The following PLD1 variants were observed in gnomAD, a reference collection of about 807,000 sequenced individuals.
PLD1 encodes the protein phospholipase D1, also known as choline phosphatase 1.
Under a neutral mutation model 137.1 loss-of-function variants are expected in PLD1, and 112 were observed. The ratio of observed to expected loss-of-function variants is 0.82; its 90% confidence interval spans 0.70 to 0.96. The LOEUF (loss-of-function observed/expected upper bound fraction) is 0.96. Among genes scored for constraint, PLD1 ranks in the 40% least tolerant of loss-of-function variants. PLD1 has a pLI of 0.00. For synonymous variants in PLD1, 431 were observed against 454.7 expected (o/e 0.95, Z 0.66); for missense variants, 1,321 against 1,342.0 (o/e 0.98, Z 0.24).
chr3:171,662,292 CAT>C (rs1711576292), intron 19 of PLD1, 122 bp from the exon 20 acceptor site: 1 of 617,754 alleles, frequency 1.6e-6, no homozygotes, highest in African/African-American at 1.8e-5. Context: ...GCTTGAGTGT[CAT>C]GTGTGAACCA....
chr3:171,609,523 C>T (rs1190891688), intron 25 of PLD1, among the ~76,000 whole-genome samples: 3 of 141,584 alleles, frequency 2.1e-5, no homozygotes, highest in African/African-American at 8.7e-5. Context: ...CACACACACA[C>T]ACACACACAC....
chr3:171,676,645 T>C, intron 18 of PLD1, 70 bp downstream of exon 18: 1 of 1,198,460 alleles, frequency 8.3e-7, no homozygotes, highest in East Asian at 2.3e-5. Context: ...ACCAGCCTCC[T>C]CTAAACCTCT....
At chr3:171,751,557 C>A (rs1363845317) in intron 1 of PLD1, among the ~76,000 whole-genome samples, 1 of 152,196 alleles carries the variant, frequency 6.6e-6, no homozygotes, top group African/African-American at 2.4e-5. Context: ...CATGCTCAAC[C>A]TTTCCAGTAA....
chr3:171,788,816 C>T (rs1723112827), intron 1 of PLD1: 1 of 152,218 alleles, frequency 6.6e-6, no homozygotes, highest in Non-Finnish European at 1.5e-5. Context: ...TATAGTACTT[C>T]AACTGCCAAC....
chr3:171,721,789 A>T (rs1718143222), intron 8 of PLD1, among the ~76,000 whole-genome samples: 1 of 151,970 alleles, frequency 6.6e-6, no homozygotes, highest in South Asian at 2.1e-4. Context: ...ATCTCAGAAA[A>T]AAAAAAAGAA....
chr3:171,677,811 G>GAAT, intron 16 of PLD1, 117 bp from the exon 17 acceptor site: 1 of 995,826 alleles, frequency 1.0e-6, no homozygotes, highest in Non-Finnish European at 1.5e-6. Context: ...GACACAACTA[G>GAAT]GGTGGCATCT....
Position 171,688,809 on chromosome 3 carries a change from A to C in PLD1, c.1406T>G (p.Ile469Ser). 6.2e-7 allele frequency: 1 copy of C among 1,614,146 alleles called. No individual in the cohort carries two copies. The highest frequency in any genetic ancestry group is 8.5e-7 in the Non-Finnish European group (1 of 1,180,018). Residue 469 changes from isoleucine to serine, a missense_variant, in exon 14 of 27, where the codon ATC becomes AGC. Physicochemically the swap from Ile to Ser is moderately radical, Grantham distance 142. Transcript: ENST00000351298. ...CACAAAGGCCACCGATTGGTCAATG[A>C]TGACAAGCTTCTCATGGTGAGCCCA... is the stretch of plus-strand genomic sequence containing the variant. ...YLWAHHEKLV[I>S]IDQSVAFVGG... is the part of the protein sequence containing the mutation.
chr3:171,603,194 G>A lies in PLD1; in HGVS notation c.3109C>T (p.Leu1037=), dbSNP rs771895509. 10 of 1,613,878 alleles carry A rather than the reference G, an allele frequency of 6.2e-6. No individual in the cohort carries two copies. The South Asian group carries it at 9.9e-5, about 16-fold the overall frequency. Residue 1037 remains leucine (L), a synonymous_variant, in exon 27 of 27, where the codon CTG becomes TTG. Transcript: ENST00000351298. The part of the protein sequence containing the change: ...KEDPIRAEEE[L]KKIRGFLVQF... ...ACCAAAAATCCACGGATCTTCTTCA[G>A]TTCCTCCTCAGCTCGAATGGGATCT...
At chr3:171,717,562 T>C (rs1717770048) in intron 8 of PLD1, among the ~76,000 whole-genome samples, 1 of 152,246 alleles carries the variant, frequency 6.6e-6, no homozygotes, top group African/African-American at 2.4e-5. Context: ...CTAGTGATTT[T>C]TCTACATTGA....
intron 1 of PLD1, among the ~76,000 whole-genome samples, 152 bp from the exon 2 acceptor site, chr3:171,738,234 C>T (rs1021665114): frequency 1.3e-5 from 2 of 151,560 alleles, no homozygotes; most frequent in African/African-American, 2.4e-5. Context: ...TTTTAGTTTA[C>T]GTTCCTGTTT....
At chr3:171,688,024 T>G (rs987088827) in intron 14 of PLD1, among the ~76,000 whole-genome samples, 1 of 152,014 alleles carries the variant, frequency 6.6e-6, no homozygotes, top group Non-Finnish European at 1.5e-5. Context: ...ATGAAGCCCA[T>G]CAAATTTTTT....
At chr3:171,765,004 A>G (rs1046430651) in intron 1 of PLD1, 3 of 148,398 alleles carry the variant, frequency 2.0e-5, no homozygotes, top group South Asian at 2.2e-4. Flanking sequence ...GAAAGAAAGA[A>G]AGAGAAAAAG....
intron 6 of PLD1, among the ~76,000 whole-genome samples, chr3:171,733,113 G>T (rs530373037): frequency 6.6e-6 from 1 of 152,208 alleles, no homozygotes; most frequent in East Asian, 1.9e-4. Flanking sequence ...ACTCTTTGTA[G>T]CTAAAAAATG....
At chr3:171,757,505 G>A (rs907947634) in intron 1 of PLD1, among the ~76,000 whole-genome samples, 8 of 152,120 alleles carry the variant, frequency 5.3e-5, no homozygotes, top group African/African-American at 1.9e-4. Context: ...GAAAAGACAC[G>A]GGATGCAAAA....
At chr3:171,682,686 G>C (rs1418798813) in intron 16 of PLD1, among the ~76,000 whole-genome samples, 2 of 152,022 alleles carry the variant, frequency 1.3e-5, no homozygotes. Flanking sequence ...TTGAAAACAA[G>C]TTCAGAAGGA....
chr3:171,698,837 A>T (rs1166716500), intron 12 of PLD1, among the ~76,000 whole-genome samples: 1 of 149,988 alleles, frequency 6.7e-6, no homozygotes, highest in African/African-American at 2.5e-5. Context: ...AAAGCCAGGC[A>T]TGGTGGTGGG....
At chr3:171,624,495 C>G (rs1285030957) in intron 23 of PLD1, among the ~76,000 whole-genome samples, 1 of 152,004 alleles carries the variant, frequency 6.6e-6, no homozygotes, top group Non-Finnish European at 1.5e-5. Context: ...GTGTTTACCT[C>G]CTGACTCAGC....
chr3:171,637,408 G>C (rs900191278), intron 23 of PLD1, among the ~76,000 whole-genome samples: 1 of 60,960 alleles, frequency 1.6e-5, no homozygotes, highest in Non-Finnish European at 3.1e-5. Flanking sequence ...GCTAATTTTT[G>C]CATTTTTAGT....
At chr3:171,733,982 CTG>C (rs1373011143) in intron 5 of PLD1, among the ~76,000 whole-genome samples, 1 of 152,026 alleles carries the variant, frequency 6.6e-6, no homozygotes, top group Non-Finnish European at 1.5e-5. Flanking sequence ...ATATGCTAAA[CTG>C]TGTGTGGAGG....
Sources: allele counts gnomAD v4.1 joint callset (sites outside exome capture counted in the v4.1 genomes callset), GRCh38; gene constraint gnomAD v4.1.1; transcripts MANE v1.5; gene names NCBI Gene and HGNC (gene_info 2026-07-23, HGNC 2026-07-21).